The following LHX2 variants were observed in gnomAD, a reference collection of about 807,000 sequenced individuals.
LHX2 encodes LIM homeobox 2, also known as LIM/homeobox protein Lhx2.
A neutral mutation model predicts 33.0 loss-of-function variants in LHX2; 6 were observed. The observed-to-expected ratio is 0.18, with a 90% CI of 0.10 to 0.36. The LOEUF (loss-of-function observed/expected upper bound fraction) is 0.36. Ranked by LOEUF, LHX2 falls within the 10% of genes least tolerant of loss-of-function variation. LHX2 has a pLI of 1.00. For missense variants in LHX2, 442 were observed against 586.2 expected, an observed-to-expected ratio of 0.75 and a Z score of 2.54; for synonymous variants, 292 against 253.1, an observed-to-expected ratio of 1.15 and a Z score of -1.46.
rs1199480918 is a variant in LHX2, at chr9:124,014,763, A to G, written c.324-359A>G. Among the ~76,000 whole-genome samples, 1 of 151,920 alleles carries G rather than the reference A, an allele frequency of 6.6e-6. No homozygotes were observed. The highest frequency in any genetic ancestry group is 1.5e-5 in the Non-Finnish European group (1 of 67,996). ...TTTCCCTGTCTCTGTGTTTCTTCCA[A>G]ATTATAAAAGTCAGTAGGATTCCCA... On this transcript the variant is annotated intron_variant, in intron 2 of 4. Transcript: ENST00000373615. The surrounding 1 kb of genome is among the most constrained non-coding windows in gnomAD (Gnocchi z 4.8).
chr9:124,032,328 G>T lies in LHX2; in HGVS notation c.934-92G>T. ...TCCTCTTGGCAAAACACAGATCAGCGTCCCCAGAGGCAGCAGAGCTCTGAG... is the reference window on the plus strand; with the variant it reads ...TCCTCTTGGCAAAACACAGATCAGCTTCCCCAGAGGCAGCAGAGCTCTGAG... On this transcript the variant is annotated intron_variant, in intron 4 of 4. Transcript: ENST00000373615. The surrounding 1 kb of genome is among the most constrained non-coding windows in gnomAD (Gnocchi z 4.1). The T allele has an allele frequency of 1.4e-6, 2 of 1,392,152 alleles. No individual in the cohort carries two copies. The highest frequency in any genetic ancestry group is 2.4e-5 in the East Asian group (1 of 40,920). The allele number at this position is 1,392,152 out of a possible 1,614,324, so 86.2% of individuals were successfully genotyped here.
chr9:124,022,547 C>G (rs1017514648), intron 4 of LHX2, among the ~76,000 whole-genome samples: 1 of 152,222 alleles, frequency 6.6e-6, no homozygotes, highest in African/African-American at 2.4e-5. Flanking sequence ...ACCGGACAGC[C>G]TCACAACAGG....
rs1016665875 is a variant in LHX2, at chr9:124,032,856, G to A, written c.*149G>A. 5.7e-6 allele frequency: 5 copies of A among 875,426 alleles called. No individual in the cohort carries two copies. The highest frequency in any genetic ancestry group is 5.1e-5 in the African/African-American group (3 of 58,564). The allele number at this position is 875,426 out of a possible 1,614,324, so 54.2% of individuals were successfully genotyped here. A position where few individuals can be genotyped will look rare whatever the true frequency, so the allele number is the denominator to read the frequency against. ...AAACAGAGGTAAAAAAAAGAAGTGTGCGCCCGGCTAATGCAGCGGTGTGGA... is the reference window on the plus strand; with the variant it reads ...AAACAGAGGTAAAAAAAAGAAGTGTACGCCCGGCTAATGCAGCGGTGTGGA... On this transcript the variant is annotated 3_prime_UTR_variant, in exon 5 of 5. Coordinates refer to ENST00000373615, the MANE Select transcript of LHX2 (RefSeq NM_004789.4). The surrounding 1 kb of genome is among the most constrained non-coding windows in gnomAD (Gnocchi z 4.1).
chr9:124,031,460 A>G (rs1203469155), intron 4 of LHX2, among the ~76,000 whole-genome samples: 2 of 152,206 alleles, frequency 1.3e-5, no homozygotes, highest in African/African-American at 4.8e-5. Flanking sequence ...AAAAAGAAAA[A>G]AAAAAAAGGA....
At chr9:124,020,226 TG>T (rs1859268525) in intron 3 of LHX2, among the ~76,000 whole-genome samples, 1 of 152,136 alleles carries the variant, frequency 6.6e-6, no homozygotes. Flanking sequence ...CAGTGACATT[TG>T]TAAAGCCAAA....
At position 124,015,406 on chromosome 9, in the gene LHX2, C is replaced by T. The variant is rs765895014; in HGVS notation, c.608C>T (p.Ala203Val). 2.5e-5 allele frequency: 40 copies of T among 1,605,262 alleles called. No homozygotes were observed. Among genetic ancestry groups the T allele is most frequent in the Non-Finnish European group, 3.2e-5 (38 of 1,175,628 alleles). The change falls in exon 3 of 5, where the codon GCA becomes GTA. Residue 203 changes from alanine (A) to valine (V), a missense_variant. By Grantham distance (64) the Ala-to-Val change is moderately conservative. Around this residue, in one of 5 missense-constraint regions of LHX2, gnomAD observed 132 missense variants for 139.1 expected, o/e 0.95. Transcript: ENST00000373615. This position sits in a 1 kb window ranked among gnomAD's most constrained non-coding sequence, Gnocchi z 7.9. ...GCGGCCAAGAGCGCGGGGCTGGGCG[C>T]AGCAGGGGCCAACCCTCTGGGTCTT... The part of the protein sequence containing the change: ...AAAAKSAGLG[A>V]AGANPLGLPY...
At chr9:124,023,752 G>A (rs886568936) in intron 4 of LHX2, among the ~76,000 whole-genome samples, 4 of 152,308 alleles carry the variant, frequency 2.6e-5, no homozygotes, top group African/African-American at 9.6e-5. Context: ...TCTTTCATCT[G>A]ATGAAACATA....
At chr9:124,026,986 A>G (rs566901770) in intron 4 of LHX2, among the ~76,000 whole-genome samples, 4 of 152,276 alleles carry the variant, frequency 2.6e-5, no homozygotes, top group South Asian at 4.1e-4. Flanking sequence ...TAAGTGTCCA[A>G]TCTAGTCCTA....
intron 4 of LHX2, among the ~76,000 whole-genome samples, chr9:124,023,270 G>A (rs565122811): frequency 3.5e-4 from 53 of 152,168 alleles, no homozygotes; most frequent in Middle Eastern, 3.4e-3. Flanking sequence ...ATTGTTTTGG[G>A]TTACACATAA....
At chr9:124,020,420 T>C (rs976855729) in intron 3 of LHX2, among the ~76,000 whole-genome samples, 4 of 152,142 alleles carry the variant, frequency 2.6e-5, no homozygotes, top group Non-Finnish European at 5.9e-5. Flanking sequence ...CAAAATGCAG[T>C]TTCCAACCTT....
intron 4 of LHX2, among the ~76,000 whole-genome samples, chr9:124,023,265 T>C (rs1021560868): frequency 1.3e-5 from 2 of 152,154 alleles, no homozygotes; most frequent in African/African-American, 4.8e-5. Context: ...GAAGAATTGT[T>C]TTGGGTTACA....
chr9:124,029,725 C>T (rs558515293), intron 4 of LHX2, among the ~76,000 whole-genome samples: 1 of 152,340 alleles, frequency 6.6e-6, no homozygotes, highest in Admixed American at 6.5e-5. Flanking sequence ...CTCCCCGCTC[C>T]AGCTACTGCT....
chr9:124,018,469 C>A (rs1859233971), intron 3 of LHX2, among the ~76,000 whole-genome samples: 1 of 152,092 alleles, frequency 6.6e-6, no homozygotes, highest in African/African-American at 2.4e-5. Context: ...TGCCTCTGGC[C>A]GGCCTCGGCC....
Position 124,016,002 on chromosome 9 carries a change from A to C in LHX2, c.727+477A>C, listed in dbSNP as rs538699421. Among the ~76,000 whole-genome samples, 266 of 152,334 alleles carry C rather than the reference A, an allele frequency of 1.7e-3. No homozygotes were observed. The highest frequency in any genetic ancestry group is 3.1e-3 in the Non-Finnish European group (211 of 68,024). ...GCCTGGAGTGCGGCCTGACCTCGTG[A>C]AATGTCCCAAGGGCGGCAGGCTTGG... On this transcript the variant is annotated intron_variant, in intron 3 of 4. Coordinates refer to ENST00000373615, the MANE Select transcript of LHX2 (RefSeq NM_004789.4). The surrounding 1 kb of genome is among the most constrained non-coding windows in gnomAD (Gnocchi z 4.4).
Position 124,012,250 on chromosome 9 carries a change from G to T in LHX2, c.-99G>T. 8.3e-7 allele frequency: 1 copy of T among 1,201,906 alleles called. No individual in the cohort carries two copies. The highest frequency in any genetic ancestry group is 1.1e-6 in the Non-Finnish European group (1 of 947,516). 74.5% of individuals were successfully genotyped at this position (1,201,906 alleles called of 1,614,324 possible). A position where few individuals can be genotyped will look rare whatever the true frequency, so the allele number is the denominator to read the frequency against. ...GCGGGGCCGGGGCCGCGGTGGCGAT[G>T]CACCGGGCCCGTTAGCGCCAGGAGC... On this transcript the variant is annotated 5_prime_UTR_variant, in exon 1 of 5. The change abolishes an upstream ATG in the 5' untranslated region. Transcript: ENST00000373615. This position sits in a 1 kb window ranked among gnomAD's most constrained non-coding sequence, Gnocchi z 4.3.
chr9:124,021,427 CT>C, intron 4 of LHX2, 123 bp downstream of exon 4: 2 of 768,500 alleles, frequency 2.6e-6, no homozygotes, highest in Admixed American at 5.4e-5. Flanking sequence ...TGTGTTTAAT[CT>C]TTCTCATTCT....
intron 4 of LHX2, among the ~76,000 whole-genome samples, chr9:124,022,773 AGCTGCAGCT>A (rs1859314771): frequency 6.6e-6 from 1 of 152,252 alleles, no homozygotes; most frequent in Non-Finnish European, 1.5e-5. Flanking sequence ...GCGCAACTGC[AGCTGCAGCT>A]GCGGGGGGAG....
intron 1 of LHX2, 41 bp from the exon 2 acceptor site, chr9:124,013,920 T>C (rs1859137244): frequency 6.3e-7 from 1 of 1,589,822 alleles, no homozygotes. Flanking sequence ...GGCCGCTGGC[T>C]GACGCAGGCG....
chr9:124,028,883 G>A (rs958851089), intron 4 of LHX2, among the ~76,000 whole-genome samples: 6 of 152,134 alleles, frequency 3.9e-5, no homozygotes, highest in South Asian at 2.1e-4. Flanking sequence ...CAAGGTGGGC[G>A]GATCACCTGA....
Sources: allele counts gnomAD v4.1 joint callset (sites outside exome capture counted in the v4.1 genomes callset), GRCh38; gene constraint gnomAD v4.1.1; regional missense constraint gnomAD v4.1.1; non-coding constraint Gnocchi (gnomAD v3.1); transcripts MANE v1.5; gene names NCBI Gene and HGNC (gene_info 2026-07-23, HGNC 2026-07-21).